Variants in ARL5A observed in about 807,000 individuals in gnomAD.
ARL5A encodes ARF like GTPase 5A, also known as ADP-ribosylation factor-like protein 5A.
ARL5A carries 18 observed loss-of-function variants against 25.9 expected under a neutral mutation model. The ratio of observed to expected loss-of-function variants is 0.69; its 90% confidence interval spans 0.48 to 1.03. The LOEUF (loss-of-function observed/expected upper bound fraction) is 1.03, where lower values mean the gene tolerates loss of function less well. ARL5A is among the 50% of genes least tolerant of loss of function. The pLI is 0.00. For synonymous variants in ARL5A, 61 were observed against 67.5 expected (o/e 0.90, Z 0.47); for missense variants, 170 against 211.9 (o/e 0.80, Z 1.23).
intron 4 of ARL5A, among the ~76,000 whole-genome samples, chr2:151,809,059 A>C (rs2099830483): frequency 3.3e-5 from 5 of 152,124 alleles, no homozygotes; most frequent in African/African-American, 9.7e-5. Flanking sequence ...AAAAAACACA[A>C]AGAAACCATT....
At chr2:151,827,228 T>C (rs1415293549) in intron 1 of ARL5A, among the ~76,000 whole-genome samples, 3 of 152,224 alleles carry the variant, frequency 2.0e-5, no homozygotes, top group Admixed American at 1.3e-4. Flanking sequence ...ATCCAGTCTT[T>C]GGGTTAAAAT....
chr2:151,810,091 A>G (rs1170508060), intron 4 of ARL5A, among the ~76,000 whole-genome samples: 1 of 152,098 alleles, frequency 6.6e-6, no homozygotes, highest in Non-Finnish European at 1.5e-5. Flanking sequence ...TCAAAACAAC[A>G]ACAACAAAAA....
intron 1 of ARL5A, among the ~76,000 whole-genome samples, chr2:151,819,110 C>G (rs959378626): frequency 6.6e-5 from 10 of 151,858 alleles, no homozygotes; most frequent in Non-Finnish European, 1.3e-4. Context: ...AAAACATAGG[C>G]AAGAATCTAT....
At position 151,800,377 on chromosome 2, in the gene ARL5A, C is replaced by T. The variant is rs2099829250; in HGVS notation, c.*2899G>A. On this transcript the variant is annotated 3_prime_UTR_variant, in exon 6 of 6. Coordinates refer to ENST00000295087, the MANE Select transcript of ARL5A (RefSeq NM_012097.4). Reference sequence around the variant, plus strand: ...GCCTTTGCTCAAGCTCTGTGCATTTCTCTGGGTCTCAAATGACCTACTAGG... The same window carrying T: ...GCCTTTGCTCAAGCTCTGTGCATTTTTCTGGGTCTCAAATGACCTACTAGG... 6.6e-6 allele frequency: 1 copy of T among 152,186 alleles called. No homozygotes were observed. Among genetic ancestry groups the T allele is most frequent in the African/African-American group, 2.4e-5 (1 of 41,458 alleles). The allele number at this position is 152,186 out of a possible 1,614,324, so 9.4% of individuals were successfully genotyped here.
chr2:151,811,334 TA>T (rs2099830814), intron 4 of ARL5A, among the ~76,000 whole-genome samples: 1 of 152,048 alleles, frequency 6.6e-6, no homozygotes, highest in African/African-American at 2.4e-5. Context: ...TCCACTGAAA[TA>T]AAAAACTCTA....
In ARL5A at chr2:151,818,627, A is replaced by G. The variant is rs140498276; in HGVS notation, c.47-3428T>C. Among the ~76,000 whole-genome samples, 195 of 152,330 alleles carry G rather than the reference A, an allele frequency of 1.3e-3. 4 individuals carry two copies. The East Asian group carries it at 0.034, about 26-fold the overall frequency. On this transcript the variant is annotated intron_variant, in intron 1 of 5. Transcript: ENST00000295087. The stretch of plus-strand genomic sequence containing the variant: ...TGCCTGCATGAGGGCCAGGTAATCG[A>G]GTCCTTGGGACAAGGTACCTTTGCA...
At chr2:151,819,752 G>GAA (rs202101269) in intron 1 of ARL5A, among the ~76,000 whole-genome samples, 9 of 130,526 alleles carry the variant, frequency 6.9e-5, no homozygotes, top group East Asian at 6.8e-4. Flanking sequence ...AAAAACTACT[G>GAA]AAAAAAAAAA....
rs1231495089 is a variant in ARL5A at position 151,812,366 on chromosome 2, T to C, written c.330A>G (p.Leu110=). Residue 110 remains leucine (L), a synonymous_variant, in exon 4 of 6, where the codon TTA becomes TTG. Coordinates refer to ENST00000295087, the MANE Select transcript of ARL5A (RefSeq NM_012097.4). The part of the protein sequence containing the change: ...SVTREELYKM[L]AHEDLRKAGL... ...AAGACTACTTACTTACCTCATGCGC[T>C]AACATTTTATAGAGTTCTTCTCTAG... is the stretch of plus-strand genomic sequence containing the variant. The C allele has an allele frequency of 1.2e-6, 2 of 1,602,014 alleles. No homozygotes were observed. The highest frequency in any genetic ancestry group is 2.7e-5 in the African/African-American group (2 of 74,632).
chr2:151,828,055 T>C, intron 1 of ARL5A, 76 bp downstream of exon 1: 2 of 1,493,262 alleles, frequency 1.3e-6, no homozygotes, highest in Non-Finnish European at 1.8e-6. Flanking sequence ...CATTCCGAAG[T>C]ATTCGGAGAC....
intron 4 of ARL5A, among the ~76,000 whole-genome samples, chr2:151,807,368 T>G (rs925153811): frequency 6.6e-6 from 1 of 152,218 alleles, no homozygotes; most frequent in Admixed American, 6.5e-5. Context: ...CTGCTGTAAT[T>G]AGCAACCTAT....
Position 151,828,178 on chromosome 2 carries a change from C to T in ARL5A, c.-2G>A, listed in dbSNP as rs771335912. ...TATTCTAGTGAAGAGAATTCCCATT[C>T]TCGGGCAGCGGACCCCCCCCCTCCA... On this transcript the variant is annotated 5_prime_UTR_variant, in exon 1 of 6. Transcript: ENST00000295087. 6 of 1,555,082 alleles carry T rather than the reference C, an allele frequency of 3.9e-6. No individual in the cohort carries two copies. In the African/African-American group the frequency reaches 4.9e-5, roughly 13 times the overall value.
rs2099831215 is a variant in ARL5A at position 151,814,311 on chromosome 2, A to G, written c.113T>C (p.Met38Thr). The change falls in exon 3 of 6, where the codon ATG (methionine) becomes ACG (threonine). Residue 38 changes from methionine (M) to threonine (T), a missense_variant. Physicochemically the swap from Met to Thr is moderately conservative, Grantham distance 81. Coordinates refer to ENST00000295087, the MANE Select transcript of ARL5A (RefSeq NM_012097.4). ...AGGAGATGTATGTACAACTTCATTC[A>G]TAGAACTGGGGAAAAAAGTTTATAT... is the stretch of plus-strand genomic sequence containing the variant. ...GKTTILYQFS[M>T]NEVVHTSPTI... 1.9e-6 allele frequency: 3 copies of G among 1,549,428 alleles called. No homozygotes were observed. Among genetic ancestry groups the G allele is most frequent in the Non-Finnish European group, 2.6e-6 (3 of 1,153,460 alleles).
intron 1 of ARL5A, among the ~76,000 whole-genome samples, chr2:151,816,539 T>C (rs547037499): frequency 6.6e-6 from 1 of 152,340 alleles, no homozygotes; most frequent in South Asian, 2.1e-4. Context: ...TGGCATTATA[T>C]GACCTTGAGC....
chr2:151,802,646 T>C lies in ARL5A; in HGVS notation c.*630A>G, dbSNP rs2099829580. 6.6e-6 allele frequency: 1 copy of C among 152,026 alleles called. No individual in the cohort carries two copies. Among genetic ancestry groups the C allele is most frequent in the African/African-American group, 2.4e-5 (1 of 41,262 alleles). The allele number at this position is 152,026 out of a possible 1,614,324, so 9.4% of individuals were successfully genotyped here. The stretch of plus-strand genomic sequence containing the variant: ...ACAAGCAGCTCAGCGATTTGGGAGG[T>C]TGGTTAGTACAATACAGAGAACACA... On this transcript the variant is annotated 3_prime_UTR_variant, in exon 6 of 6. Transcript: ENST00000295087.
intron 1 of ARL5A, among the ~76,000 whole-genome samples, chr2:151,817,920 G>T (rs1027874774): frequency 6.6e-6 from 1 of 152,144 alleles, no homozygotes; most frequent in Non-Finnish European, 1.5e-5. Context: ...CAGAAAAATC[G>T]CTTGAACCCA....
chr2:151,828,151 C>G lies in ARL5A; in HGVS notation c.26G>C (p.Trp9Ser). The G allele has an allele frequency of 6.2e-7, 1 of 1,609,362 alleles. No individual in the cohort carries two copies. Among genetic ancestry groups the G allele is most frequent in the Non-Finnish European group, 8.5e-7 (1 of 1,177,874 alleles). Residue 9 changes from tryptophan to serine, a missense_variant, in exon 1 of 6, where the codon TGG becomes TCG. Trp to Ser is a radical substitution (Grantham distance 177). Transcript: ENST00000295087. MGILFTRIWRLFNHQEHKV... is the reference protein window; with the variant it reads MGILFTRISRLFNHQEHKV... ...CTCACCCTGGTGATTGAACAGTCTCCATATTCTAGTGAAGAGAATTCCCAT... is the reference window on the plus strand; with the variant it reads ...CTCACCCTGGTGATTGAACAGTCTCGATATTCTAGTGAAGAGAATTCCCAT...
At position 151,828,083 on chromosome 2, in the gene ARL5A, G is replaced by A. The variant is rs1390131423; in HGVS notation, c.46+48C>T. ...TCGGAGACCCCCACCTAGCCGGCCC[G>A]AGCTGACCCTCTCCCCAACCCGTAC... On this transcript the variant is annotated intron_variant, in intron 1 of 5. Transcript: ENST00000295087. 4 of 1,591,492 alleles carry A rather than the reference G, an allele frequency of 2.5e-6. No homozygotes were observed. The South Asian group carries it at 3.4e-5, about 13-fold the overall frequency.
rs199870857 is a variant in ARL5A, at chr2:151,814,259, T to C, written c.165A>G (p.Ile55Met). Residue 55 changes from isoleucine to methionine, a missense_variant, in exon 3 of 6, where the codon ATA becomes ATG. Ile to Met is a conservative substitution (Grantham distance 10). Coordinates refer to ENST00000295087, the MANE Select transcript of ARL5A (RefSeq NM_012097.4). ...TTAGGAAACGTGTATTATTAATCAC[T>C]ATCTCTTCTACATTACTTCCTATTG... Reference protein sequence around the residue: ...SPTIGSNVEEIVINNTRFLMW... With the variant: ...SPTIGSNVEEMVINNTRFLMW... 1 of 1,603,978 alleles carries C rather than the reference T, an allele frequency of 6.2e-7. No homozygotes were observed.
intron 1 of ARL5A, among the ~76,000 whole-genome samples, chr2:151,818,836 G>C (rs915054848): frequency 1.3e-5 from 2 of 152,132 alleles, no homozygotes; most frequent in African/African-American, 2.4e-5. Flanking sequence ...ACTTGGATAA[G>C]AGTTTTTAGC....
Sources: gnomAD v4.1 joint callset for allele counts (sites outside exome capture counted in the v4.1 genomes callset) on GRCh38, gnomAD v4.1.1 for gene constraint, MANE v1.5 for transcripts, NCBI Gene and HGNC (gene_info 2026-07-23, HGNC 2026-07-21) for gene names.